IGSF3: variants seen among roughly 807,000 people sequenced by gnomAD.
The protein encoded by IGSF3 is glu-Trp-Ile EWI motif-containing protein 3.
IGSF3 carries 23 observed loss-of-function variants against 114.4 expected under a neutral mutation model. The ratio of observed to expected loss-of-function variants is 0.20; its 90% CI spans 0.14 to 0.28. The LOEUF is 0.28. Ranked by LOEUF, IGSF3 falls within the 10% of genes least tolerant of loss-of-function variation. IGSF3 has a pLI of 1.00. For missense variants in IGSF3, 1,172 were observed against 1,591.5 expected, an observed-to-expected ratio of 0.74 and a Z score of 4.48; for synonymous variants, 571 against 645.2, an observed-to-expected ratio of 0.88 and a Z score of 1.74.
intron 7 of IGSF3, among the ~76,000 whole-genome samples, chr1:116,591,642 G>C (rs1185701079): frequency 6.6e-6 from 1 of 152,142 alleles, no homozygotes; most frequent in Non-Finnish European, 1.5e-5. Flanking sequence ...CTGACAGGTG[G>C]GCAAGGGGTC....
rs184229366 is a variant in IGSF3 at position 116,632,703 on chromosome 1, G to C, written c.44-16246C>G. 6.6e-6 allele frequency among the ~76,000 whole-genome samples: 1 copy of C among 152,280 alleles called. No individual in the cohort carries two copies. Among genetic ancestry groups the C allele is most frequent in the East Asian group, 1.9e-4 (1 of 5,190 alleles). On this transcript the variant is annotated intron_variant, in intron 2 of 10. Coordinates refer to ENST00000369486, the MANE Select transcript of IGSF3 (RefSeq NM_001007237.3). This position sits in a 1 kb window ranked among gnomAD's most constrained non-coding sequence, Gnocchi z 5.1. ...TACTCATTAACTCAGAGCTGACCTCGTCTGGCAGGATTAACTAGCCATACC... is the reference window on the plus strand; with the variant it reads ...TACTCATTAACTCAGAGCTGACCTCCTCTGGCAGGATTAACTAGCCATACC...
rs545060936 is a variant in IGSF3, at chr1:116,603,250, G to A, written c.1624+374C>T. 6.6e-6 allele frequency among the ~76,000 whole-genome samples: 1 copy of A among 152,156 alleles called. No individual in the cohort carries two copies. Among genetic ancestry groups the A allele is most frequent in the African/African-American group, 2.4e-5 (1 of 41,438 alleles). On this transcript the variant is annotated intron_variant, in intron 6 of 10. Transcript: ENST00000369486. This position sits in a 1 kb window ranked among gnomAD's most constrained non-coding sequence, Gnocchi z 7.1. ...GCTCAGCCACTCTGCTCTCTTTAAG[G>A]CCAGGCTGGCAGTGGCCATGCTCCT...
chr1:116,630,551 C>T (rs1647527476), intron 2 of IGSF3, among the ~76,000 whole-genome samples: 1 of 152,146 alleles, frequency 6.6e-6, no homozygotes, highest in African/African-American at 2.4e-5. Flanking sequence ...GCATCCAAAC[C>T]CACAATCTCT....
intron 5 of IGSF3, among the ~76,000 whole-genome samples, chr1:116,604,708 C>T (rs900416248): frequency 1.3e-5 from 2 of 152,180 alleles, no homozygotes; most frequent in African/African-American, 4.8e-5. Context: ...TCCAGTCAGC[C>T]CTGGGGCTCC....
intron 2 of IGSF3, among the ~76,000 whole-genome samples, chr1:116,658,811 C>G (rs1443531200): frequency 1.3e-5 from 2 of 152,206 alleles, no homozygotes; most frequent in South Asian, 2.1e-4. Flanking sequence ...CCTCTCTCCC[C>G]CAGTAGACAC....
chr1:116,608,366 G>C (rs1252953162), intron 4 of IGSF3, 35 bp from the exon 5 acceptor site: 3 of 1,548,518 alleles, frequency 1.9e-6, no homozygotes, highest in Non-Finnish European at 2.6e-6. Flanking sequence ...ACACATCCTG[G>C]GTGAATGAGG....
At chr1:116,639,863 G>A (rs1278966538) in intron 2 of IGSF3, among the ~76,000 whole-genome samples, 3 of 151,866 alleles carry the variant, frequency 2.0e-5, no homozygotes, top group African/African-American at 4.8e-5. Flanking sequence ...GTGAAACCCC[G>A]TCTCTACTGA....
Position 116,666,941 on chromosome 1 carries a change from C to T in IGSF3, c.-615G>A. ...GTTCGGCAGCCCTGAAGCGGTACCCCAGCGCGAGCAGATTTCTAAAACAAA... is the reference window on the plus strand; with the variant it reads ...GTTCGGCAGCCCTGAAGCGGTACCCTAGCGCGAGCAGATTTCTAAAACAAA... On this transcript the variant is annotated 5_prime_UTR_variant, in exon 2 of 11. Transcript: ENST00000369486. 1 of 402,030 alleles carries T rather than the reference C, an allele frequency of 2.5e-6. No individual in the cohort carries two copies. The highest frequency in any genetic ancestry group is 3.6e-5 in the East Asian group (1 of 28,094). The allele number at this position is 402,030 out of a possible 1,614,324, so 24.9% of individuals were successfully genotyped here. A position where few individuals can be genotyped will look rare whatever the true frequency, so the allele number is the denominator to read the frequency against.
In IGSF3 at chr1:116,624,662, G is replaced by A. The variant is rs1004339145; in HGVS notation, c.44-8205C>T. Among the ~76,000 whole-genome samples the A allele has an allele frequency of 3.3e-5, 5 of 152,326 alleles. No homozygotes were observed. Among genetic ancestry groups the A allele is most frequent in the African/African-American group, 1.2e-4 (5 of 41,576 alleles). On this transcript the variant is annotated intron_variant, in intron 2 of 10. Transcript: ENST00000369486. This position sits in a 1 kb window ranked among gnomAD's most constrained non-coding sequence, Gnocchi z 4.9. ...TGACCATGCCACACACTCCCATCAA[G>A]AGGTGGAGTTTAGAATAATTCCCTT... is the stretch of plus-strand genomic sequence containing the variant.
chr1:116,647,484 A>T lies in IGSF3; in HGVS notation c.43+18800T>A, dbSNP rs1648432522. On this transcript the variant is annotated intron_variant, in intron 2 of 10. Coordinates refer to ENST00000369486, the MANE Select transcript of IGSF3 (RefSeq NM_001007237.3). This position sits in a 1 kb window ranked among gnomAD's most constrained non-coding sequence, Gnocchi z 4.6. ...CCTGGCTCTGCTCAACAATAATGAC[A>T]ACCACCATTTATTGAGCCCTTACTA... is the stretch of plus-strand genomic sequence containing the variant. Among the ~76,000 whole-genome samples the T allele has an allele frequency of 6.6e-6, 1 of 152,186 alleles. No individual in the cohort carries two copies. The highest frequency in any genetic ancestry group is 1.5e-5 in the Non-Finnish European group (1 of 68,028).
rs1211422257 is a variant in IGSF3, at chr1:116,662,981, G to A, written c.43+3303C>T. Among the ~76,000 whole-genome samples the A allele has an allele frequency of 1.3e-5, 2 of 152,190 alleles. No individual in the cohort carries two copies. The highest frequency in any genetic ancestry group is 2.9e-5 in the Non-Finnish European group (2 of 68,028). On this transcript the variant is annotated intron_variant, in intron 2 of 10. Transcript: ENST00000369486. The surrounding 1 kb of genome is among the most constrained non-coding windows in gnomAD (Gnocchi z 4.3). The stretch of plus-strand genomic sequence containing the variant: ...CTTCCTCAGCCTTACCGTATTCAAA[G>A]AAGAGACTTCCCAAACTCTACAAAT...
In IGSF3 at chr1:116,648,829, G is replaced by A. The variant is rs555028932; in HGVS notation, c.43+17455C>T. Reference sequence around the variant, plus strand: ...AAACATTCTCCTCTGCAAGGCACTTGGCATTCTGGTGCCTGTGGAGAGAGC... The same window carrying A: ...AAACATTCTCCTCTGCAAGGCACTTAGCATTCTGGTGCCTGTGGAGAGAGC... On this transcript the variant is annotated intron_variant, in intron 2 of 10. Coordinates refer to ENST00000369486, the MANE Select transcript of IGSF3 (RefSeq NM_001007237.3). The surrounding 1 kb of genome is among the most constrained non-coding windows in gnomAD (Gnocchi z 4.7). Among the ~76,000 whole-genome samples the A allele has an allele frequency of 3.2e-4, 48 of 152,246 alleles. No homozygotes were observed. The highest frequency in any genetic ancestry group is 1.1e-3 in the African/African-American group (47 of 41,534).
chr1:116,580,797 A>C (rs565935428), intron 9 of IGSF3, among the ~76,000 whole-genome samples: 62 of 152,208 alleles, frequency 4.1e-4, no homozygotes, highest in Non-Finnish European at 5.0e-4. Flanking sequence ...GAAGACAGAG[A>C]GAAAGTGGCC....
Position 116,644,544 on chromosome 1 carries a change from C to T in IGSF3, c.43+21740G>A, listed in dbSNP as rs1312343416. On this transcript the variant is annotated intron_variant, in intron 2 of 10. Transcript: ENST00000369486. The surrounding 1 kb of genome is among the most constrained non-coding windows in gnomAD (Gnocchi z 5.6). ...GCCAGCATAGTAGGTGCCGTGAAAG[C>T]CAGGAAGCGAACTGCACAGAATGGA... 2.0e-5 allele frequency among the ~76,000 whole-genome samples: 3 copies of T among 152,192 alleles called. No homozygotes were observed. Among genetic ancestry groups the T allele is most frequent in the African/African-American group, 7.2e-5 (3 of 41,446 alleles).
intron 6 of IGSF3, among the ~76,000 whole-genome samples, chr1:116,602,371 A>AC (rs1434269488): frequency 1.3e-5 from 2 of 151,788 alleles, no homozygotes; most frequent in South Asian, 2.1e-4. Context: ...TTAAAAAAAA[A>AC]AAAAACACAC....
chr1:116,608,588 G>A (rs988941516), intron 4 of IGSF3, among the ~76,000 whole-genome samples: 5 of 152,290 alleles, frequency 3.3e-5, no homozygotes, highest in Admixed American at 1.3e-4. Context: ...CCCCAGTTAA[G>A]ACCAATGGGG....
chr1:116,622,749 C>A (rs1661462342), intron 2 of IGSF3, among the ~76,000 whole-genome samples: 2 of 152,184 alleles, frequency 1.3e-5, no homozygotes, highest in African/African-American at 2.4e-5. Context: ...TTCATTACAG[C>A]CACATTTACC....
In IGSF3 at chr1:116,664,874, T is replaced by C. The variant is rs1267712888; in HGVS notation, c.43+1410A>G. On this transcript the variant is annotated intron_variant, in intron 2 of 10. Coordinates refer to ENST00000369486, the MANE Select transcript of IGSF3 (RefSeq NM_001007237.3). The surrounding 1 kb of genome is among the most constrained non-coding windows in gnomAD (Gnocchi z 4.6). The stretch of plus-strand genomic sequence containing the variant: ...GAACCATGCATGGAATTACCTGAGA[T>C]AGCTCAAAGGCTGAGACCTGGGTCC... 6.6e-6 allele frequency among the ~76,000 whole-genome samples: 1 copy of C among 152,204 alleles called. No individual in the cohort carries two copies. Among genetic ancestry groups the C allele is most frequent in the African/African-American group, 2.4e-5 (1 of 41,454 alleles).
chr1:116,665,404 G>A lies in IGSF3; in HGVS notation c.43+880C>T, dbSNP rs1649289801. Among the ~76,000 whole-genome samples, 1 of 152,180 alleles carries A rather than the reference G, an allele frequency of 6.6e-6. No homozygotes were observed. The highest frequency in any genetic ancestry group is 1.5e-5 in the Non-Finnish European group (1 of 68,034). ...TGTGCTCATGTATGAGGTCTGAGAT[G>A]GGGAAAGAGAATGGCACCAAATCCT... On this transcript the variant is annotated intron_variant, in intron 2 of 10. Coordinates refer to ENST00000369486, the MANE Select transcript of IGSF3 (RefSeq NM_001007237.3). This position sits in a 1 kb window ranked among gnomAD's most constrained non-coding sequence, Gnocchi z 4.0.
Sources: allele counts gnomAD v4.1 joint callset (sites outside exome capture counted in the v4.1 genomes callset), GRCh38; gene constraint gnomAD v4.1.1; non-coding constraint Gnocchi (gnomAD v3.1); transcripts MANE v1.5; gene names NCBI Gene and HGNC (gene_info 2026-07-23, HGNC 2026-07-21).